LRRC72: variants seen among roughly 807,000 people sequenced by gnomAD.
The protein encoded by LRRC72 is leucine-rich repeat-containing protein 72.
A neutral mutation model predicts 35.8 loss-of-function variants in LRRC72; 41 were observed. The ratio of observed to expected loss-of-function variants is 1.15; its 90% CI spans 0.89 to 1.49. The LOEUF (loss-of-function observed/expected upper bound fraction) is 1.49, where lower values mean the gene tolerates loss of function less well. Among genes scored for constraint, LRRC72 ranks in the 40% most tolerant of loss-of-function variants. The probability of loss-of-function intolerance (pLI) is 0.00; values close to 1 mark genes in which losing one functional copy is unlikely to be tolerated. For missense variants in LRRC72, 389 were observed against 330.7 expected, an observed-to-expected ratio of 1.18 and a Z score of -1.37; for synonymous variants, 118 against 119.2, an observed-to-expected ratio of 0.99 and a Z score of 0.07.
At chr7:16,576,451 G>A (rs1315969201) in intron 7 of LRRC72, among the ~76,000 whole-genome samples, 2 of 152,100 alleles carry the variant, frequency 1.3e-5, no homozygotes, top group East Asian at 3.9e-4. Context: ...TTCATCTGAA[G>A]TTAAGAAACC....
chr7:16,577,485 C>G (rs962392638), intron 7 of LRRC72, among the ~76,000 whole-genome samples: 5 of 151,890 alleles, frequency 3.3e-5, no homozygotes, highest in African/African-American at 1.2e-4. Flanking sequence ...AAGCCTCACA[C>G]AAAACTCAGA....
chr7:16,544,923 C>T (rs1782420234), intron 3 of LRRC72, among the ~76,000 whole-genome samples: 1 of 152,004 alleles, frequency 6.6e-6, no homozygotes, highest in South Asian at 2.1e-4. Flanking sequence ...TAAAAGGACG[C>T]TTCTGGCGAA....
chr7:16,576,302 A>G (rs1783039352), intron 7 of LRRC72, among the ~76,000 whole-genome samples: 1 of 152,196 alleles, frequency 6.6e-6, no homozygotes, highest in African/African-American at 2.4e-5. Flanking sequence ...TTGTTTTTTT[A>G]TAAATCTTAC....
At chr7:16,539,666 TGCTCTGTGCA>T (rs1356430926) in intron 3 of LRRC72, among the ~76,000 whole-genome samples, 1 of 152,172 alleles carries the variant, frequency 6.6e-6, no homozygotes, top group Non-Finnish European at 1.5e-5. Context: ...AGGGCCCCGC[TGCTCTGTGCA>T]GCCTCAGGAC....
chr7:16,530,364 T>C (rs1352104125), intron 1 of LRRC72: 1 of 152,164 alleles, frequency 6.6e-6, no homozygotes, highest in African/African-American at 2.4e-5. Context: ...ATTCCTCTGT[T>C]TTTCTGTTCT....
intron 3 of LRRC72, among the ~76,000 whole-genome samples, chr7:16,543,911 T>C (rs1782401468): frequency 6.6e-6 from 1 of 152,192 alleles, no homozygotes; most frequent in African/African-American, 2.4e-5. Context: ...CGTGGTGATA[T>C]GAGAGAAAAT....
At chr7:16,560,630 A>G (rs1158022063) in intron 5 of LRRC72, among the ~76,000 whole-genome samples, 1 of 152,050 alleles carries the variant, frequency 6.6e-6, no homozygotes, top group Non-Finnish European at 1.5e-5. Context: ...TTGTTTTTCT[A>G]TAAAATGGGC....
At chr7:16,528,562 A>G (rs1782111901) in intron 1 of LRRC72, among the ~76,000 whole-genome samples, 1 of 150,260 alleles carries the variant, frequency 6.7e-6, no homozygotes, top group Non-Finnish European at 1.5e-5. Flanking sequence ...CCCTAAACAC[A>G]CCCCATGTCA....
intron 5 of LRRC72, among the ~76,000 whole-genome samples, chr7:16,564,316 A>T (rs1036579733): frequency 6.6e-6 from 1 of 152,106 alleles, no homozygotes; most frequent in African/African-American, 2.4e-5. Flanking sequence ...TTTTGCTTTT[A>T]TATCCTTGAA....
At chr7:16,560,893 G>A (rs1171864172) in intron 5 of LRRC72, among the ~76,000 whole-genome samples, 1 of 152,002 alleles carries the variant, frequency 6.6e-6, no homozygotes, top group Non-Finnish European at 1.5e-5. Context: ...ATGTTTGAAT[G>A]TCTTTCCTGT....
intron 7 of LRRC72, among the ~76,000 whole-genome samples, chr7:16,577,136 GTA>G (rs1783056760): frequency 6.6e-6 from 1 of 152,184 alleles, no homozygotes; most frequent in African/African-American, 2.4e-5. Context: ...GTTCAGGTAG[GTA>G]TTAGAGGTCA....
chr7:16,538,144 GC>G (rs1159827136), intron 3 of LRRC72, among the ~76,000 whole-genome samples: 1 of 152,124 alleles, frequency 6.6e-6, no homozygotes, highest in African/African-American at 2.4e-5. Flanking sequence ...AATAAGATAT[GC>G]CCCCATCTAT....
At chr7:16,538,886 C>A (rs893220530) in intron 3 of LRRC72, among the ~76,000 whole-genome samples, 3 of 152,174 alleles carry the variant, frequency 2.0e-5, no homozygotes, top group Admixed American at 2.0e-4. Context: ...TGAGGCCTCC[C>A]CAGCCATGTG....
At chr7:16,567,282 C>T (rs1321391883) in intron 6 of LRRC72, 109 bp from the exon 7 acceptor site, 3 of 822,070 alleles carry the variant, frequency 3.6e-6, no homozygotes. Context: ...AGGATGTTCT[C>T]ATATATCATA....
intron 5 of LRRC72, among the ~76,000 whole-genome samples, chr7:16,562,624 C>A (rs1782762762): frequency 1.3e-5 from 2 of 152,136 alleles, no homozygotes; most frequent in South Asian, 2.1e-4. Flanking sequence ...CACTTCCTGC[C>A]GTTGTCTTCA....
At chr7:16,557,766 T>G (rs1194066029) in intron 4 of LRRC72, among the ~76,000 whole-genome samples, 1 of 152,194 alleles carries the variant, frequency 6.6e-6, no homozygotes, top group Non-Finnish European at 1.5e-5. Context: ...TAAATAGTCT[T>G]AAAATTTTTT....
At chr7:16,527,176 C>T in intron 1 of LRRC72, 134 bp downstream of exon 1, 1 of 678,250 alleles carries the variant, frequency 1.5e-6, no homozygotes, top group Non-Finnish European at 2.5e-6. Context: ...GGAGATAGGT[C>T]AGATTTCAAA....
intron 2 of LRRC72, 185 bp downstream of exon 2, chr7:16,532,753 A>T (rs986562493): frequency 1.2e-4 from 21 of 181,516 alleles, no homozygotes; most frequent in Admixed American, 1.1e-3. Flanking sequence ...AAATTGATTA[A>T]AAAAAAAAAA....
intron 5 of LRRC72, among the ~76,000 whole-genome samples, chr7:16,563,520 A>T (rs1166450886): frequency 1.3e-5 from 2 of 152,234 alleles, no homozygotes; most frequent in Non-Finnish European, 2.9e-5. Flanking sequence ...GTGAAAGTGT[A>T]AGCAATTTCT....
Sources: gnomAD v4.1 joint callset for allele counts (sites outside exome capture counted in the v4.1 genomes callset) on GRCh38, gnomAD v4.1.1 for gene constraint, MANE v1.5 for transcripts, NCBI Gene and HGNC (gene_info 2026-07-23, HGNC 2026-07-21) for gene names.